CDC42BPB: variants seen among roughly 807,000 people sequenced by gnomAD.
CDC42BPB encodes the protein serine/threonine-protein kinase MRCK beta.
In CDC42BPB, 37 loss-of-function variants were observed where a neutral mutation model predicts 214.9. The ratio of observed to expected loss-of-function variants is 0.17; its 90% confidence interval spans 0.13 to 0.23. The LOEUF (loss-of-function observed/expected upper bound fraction) is 0.23. CDC42BPB is among the 10% of genes least tolerant of loss of function. CDC42BPB has a pLI of 1.00. For synonymous variants in CDC42BPB, 931 were observed against 884.0 expected, an observed-to-expected ratio of 1.05 and a Z score of -0.94; for missense variants, 1,694 against 2,227.0, an observed-to-expected ratio of 0.76 and a Z score of 4.82.
intron 20 of CDC42BPB, 128 bp from the exon 21 acceptor site, chr14:102,959,838 T>TAAAAA (rs35833302): frequency 6.1e-5 from 44 of 718,738 alleles, no homozygotes; most frequent in African/African-American, 1.2e-4. Flanking sequence ...TGATCACAAT[T>TAAAAA]AAAAAAAAAA....
intron 22 of CDC42BPB, 123 bp from the exon 23 acceptor site, chr14:102,954,398 C>A: frequency 6.9e-7 from 1 of 1,443,388 alleles, no homozygotes; most frequent in Non-Finnish European, 9.1e-7. Flanking sequence ...TTTTAATTTG[C>A]TACAATGTTG....
intron 4 of CDC42BPB, among the ~76,000 whole-genome samples, chr14:103,003,402 G>T (rs1026980142): frequency 6.6e-6 from 1 of 152,192 alleles, no homozygotes; most frequent in South Asian, 2.1e-4. Flanking sequence ...TCACGAGGCT[G>T]GTCCATCTGT....
intron 36 of CDC42BPB, among the ~76,000 whole-genome samples, chr14:102,937,855 C>G (rs1891709993): frequency 1.3e-5 from 2 of 152,222 alleles, no homozygotes; most frequent in African/African-American, 2.4e-5. Context: ...TCCATTCCTC[C>G]TGGGGCAGTG....
At chr14:102,945,503 C>T (rs141307811) in intron 29 of CDC42BPB, among the ~76,000 whole-genome samples, 159 bp downstream of exon 29, 290 of 152,400 alleles carry the variant, frequency 1.9e-3, no homozygotes, top group South Asian at 7.0e-3. Context: ...AGCACCGCGT[C>T]GCCATGCACT....
intron 5 of CDC42BPB, among the ~76,000 whole-genome samples, chr14:102,992,432 T>C (rs1427762269): frequency 1.3e-5 from 2 of 152,232 alleles, no homozygotes; most frequent in African/African-American, 2.4e-5. Context: ...ATTGTCACAA[T>C]TGACCCTCAG....
intron 9 of CDC42BPB, among the ~76,000 whole-genome samples, chr14:102,977,006 CCT>C (rs1003417085): frequency 7.9e-5 from 12 of 152,096 alleles, no homozygotes; most frequent in African/African-American, 2.9e-4. Context: ...TTAACCCTGG[CCT>C]CTCACACCAA....
chr14:102,980,757 G>A lies in CDC42BPB; in HGVS notation c.1140+16C>T. 4 of 1,613,114 alleles carry A rather than the reference G, an allele frequency of 2.5e-6. No homozygotes were observed. The highest frequency in any genetic ancestry group is 2.5e-6 in the Non-Finnish European group (3 of 1,179,186). On this transcript the variant is annotated intron_variant, in intron 8 of 36. Coordinates refer to ENST00000361246, the MANE Select transcript of CDC42BPB (RefSeq NM_006035.4). The stretch of plus-strand genomic sequence containing the variant: ...CCCACAGCCAGCAACCCTGAGAACG[G>A]TGCTTTCACACTCACCGTGTTTCTC...
chr14:102,942,422 A>G (rs1891937775), intron 30 of CDC42BPB, among the ~76,000 whole-genome samples: 1 of 152,206 alleles, frequency 6.6e-6, no homozygotes, highest in Non-Finnish European at 1.5e-5. Context: ...GGAGAATGTC[A>G]TTCCCCAACT....
intron 1 of CDC42BPB, among the ~76,000 whole-genome samples, chr14:103,030,568 C>T (rs1047286313): frequency 7.9e-5 from 12 of 152,002 alleles, no homozygotes; most frequent in Non-Finnish European, 1.6e-4. Flanking sequence ...TGGTGGTGCA[C>T]GCCTGTAGTC....
At chr14:103,045,305 T>C (rs1888229949) in intron 1 of CDC42BPB, among the ~76,000 whole-genome samples, 1 of 152,190 alleles carries the variant, frequency 6.6e-6, no homozygotes. Context: ...TTATTTTCAA[T>C]GGGTGATTTC....
intron 30 of CDC42BPB, among the ~76,000 whole-genome samples, chr14:102,941,948 G>A (rs1051122975): frequency 2.0e-5 from 3 of 152,216 alleles, no homozygotes; most frequent in Non-Finnish European, 4.4e-5. Context: ...CACTGTGCCC[G>A]CAGGAGAGAA....
intron 19 of CDC42BPB, chr14:102,963,400 T>C (rs1893045926): frequency 2.1e-6 from 1 of 479,500 alleles, no homozygotes; most frequent in Admixed American, 6.4e-5. Flanking sequence ...GAAGGCCTAA[T>C]GGAGCTCTTG....
chr14:102,982,949 G>T (rs191159760), intron 7 of CDC42BPB, among the ~76,000 whole-genome samples: 2 of 152,140 alleles, frequency 1.3e-5, no homozygotes, highest in East Asian at 3.9e-4. Flanking sequence ...AAGAGAAAAT[G>T]ATAAAAAGGA....
Position 102,968,719 on chromosome 14 carries a change from GA to G in CDC42BPB, c.1996-4del, listed in dbSNP as rs758329254. The G allele has an allele frequency of 3.2e-5, 52 of 1,613,264 alleles. No individual in the cohort carries two copies. The highest frequency in any genetic ancestry group is 1.7e-4 in the Middle Eastern group (1 of 5,762). ...GCTCCCCGGCCTCCTTGCTTCACCT[GA>G]AGACAAAGGTTAACATAAATTGACA... On this transcript the variant is annotated splice_region_variant and splice_polypyrimidine_tract_variant and intron_variant, in intron 14 of 36. Coordinates refer to ENST00000361246, the MANE Select transcript of CDC42BPB (RefSeq NM_006035.4).
chr14:102,975,298 C>T (rs1242762228), intron 11 of CDC42BPB, among the ~76,000 whole-genome samples: 1 of 152,184 alleles, frequency 6.6e-6, no homozygotes, highest in Non-Finnish European at 1.5e-5. Flanking sequence ...CCAAGGCAGG[C>T]AGATCACCTG....
At chr14:102,978,402 G>A in intron 8 of CDC42BPB, 197 bp from the exon 9 acceptor site, 1 of 895,066 alleles carries the variant, frequency 1.1e-6, no homozygotes, top group Non-Finnish European at 1.3e-6. Context: ...CCTGTACGCT[G>A]TATGTACAAT....
chr14:102,980,770 C>T lies in CDC42BPB; in HGVS notation c.1140+3G>A, dbSNP rs1893961507. 1 of 1,613,764 alleles carries T rather than the reference C, an allele frequency of 6.2e-7. No homozygotes were observed. Among genetic ancestry groups the T allele is most frequent in the Admixed American group, 1.7e-5 (1 of 60,004 alleles). ...ACCCTGAGAACGGTGCTTTCACACT[C>T]ACCGTGTTTCTCAGCACGTCGTCAT... On this transcript the variant is annotated splice_donor_region_variant and intron_variant, in intron 8 of 36. Coordinates refer to ENST00000361246, the MANE Select transcript of CDC42BPB (RefSeq NM_006035.4).
intron 20 of CDC42BPB, among the ~76,000 whole-genome samples, chr14:102,962,083 A>C (rs1052251249): frequency 6.6e-6 from 1 of 152,246 alleles, no homozygotes; most frequent in Admixed American, 6.5e-5. Context: ...ACTTATGAGA[A>C]ATATGCAAGT....
rs74082771 is a variant in CDC42BPB at position 103,052,233 on chromosome 14, G to A, written c.175+4766C>T. Among the ~76,000 whole-genome samples the A allele has an allele frequency of 6.1e-3, 926 of 152,282 alleles. 14 individuals carry two copies. Among genetic ancestry groups the A allele is most frequent in the African/African-American group, 0.021 (884 of 41,540 alleles). ...TAGTCAGTATCAAACAGCTACCATA[G>A]AATCTACATGATCTAAATTAGGTTA... On this transcript the variant is annotated intron_variant, in intron 1 of 36. Coordinates refer to ENST00000361246, the MANE Select transcript of CDC42BPB (RefSeq NM_006035.4).
Sources: gnomAD v4.1 joint callset for allele counts (sites outside exome capture counted in the v4.1 genomes callset) on GRCh38, gnomAD v4.1.1 for gene constraint, MANE v1.5 for transcripts, NCBI Gene and HGNC (gene_info 2026-07-23, HGNC 2026-07-21) for gene names.